Variants in SORCS1 observed in about 807,000 individuals in gnomAD.
SORCS1 encodes VPS10 domain-containing receptor SorCS1.
In SORCS1, 60 loss-of-function variants were observed where a neutral mutation model predicts 146.1. That is an observed-to-expected ratio of 0.41 (90% CI 0.33 to 0.51). SORCS1 has a LOEUF of 0.51. SORCS1 is among the 20% of genes least tolerant of loss of function. The pLI is 0.21. For missense variants in SORCS1, 1,352 were observed against 1,487.6 expected (o/e 0.91, Z 1.50); for synonymous variants, 637 against 584.0 (o/e 1.09, Z -1.31).
intron 2 of SORCS1, among the ~76,000 whole-genome samples, chr10:106,928,436 C>A (rs1003458120): frequency 6.6e-6 from 1 of 152,242 alleles, no homozygotes; most frequent in Admixed American, 6.5e-5. Context: ...AGCTGGCCCG[C>A]AAGCGCCGAG....
At chr10:106,974,186 G>T (rs994557302) in intron 1 of SORCS1, among the ~76,000 whole-genome samples, 1 of 152,190 alleles carries the variant, frequency 6.6e-6, no homozygotes, top group African/African-American at 2.4e-5. Context: ...AAGTGATGGG[G>T]ATATTCCATT....
At chr10:106,920,264 A>C (rs1952649058) in intron 2 of SORCS1, among the ~76,000 whole-genome samples, 1 of 152,216 alleles carries the variant, frequency 6.6e-6, no homozygotes, top group Non-Finnish European at 1.5e-5. Context: ...AGTGGTAAGC[A>C]AACATGACTA....
chr10:106,603,205 C>T (rs962774685), intron 23 of SORCS1, among the ~76,000 whole-genome samples: 11 of 152,094 alleles, frequency 7.2e-5, no homozygotes, highest in African/African-American at 4.8e-5. Flanking sequence ...CTGAGGACTC[C>T]GAGGGGAGCA....
At chr10:106,967,363 C>T in intron 1 of SORCS1, among the ~76,000 whole-genome samples, 1 of 151,434 alleles carries the variant, frequency 6.6e-6, no homozygotes, top group East Asian at 1.9e-4. Context: ...TACATTAAAC[C>T]AGGAAAATAA....
At chr10:106,822,715 T>C (rs1046929767) in intron 3 of SORCS1, among the ~76,000 whole-genome samples, 3 of 151,730 alleles carry the variant, frequency 2.0e-5, no homozygotes, top group African/African-American at 7.3e-5. Flanking sequence ...AGGATTTACT[T>C]ACTACACGTC....
intron 5 of SORCS1, among the ~76,000 whole-genome samples, chr10:106,760,698 CACACACACACTA>C (rs1030217128): frequency 1.5e-5 from 2 of 129,464 alleles, no homozygotes; most frequent in African/African-American, 6.4e-5. Context: ...CACACAAACA[CACACACACACTA>C]ACACACACAC....
intron 9 of SORCS1, among the ~76,000 whole-genome samples, chr10:106,695,372 C>T (rs1490074442): frequency 6.6e-6 from 1 of 152,146 alleles, no homozygotes; most frequent in East Asian, 1.9e-4. Context: ...ACCCTATTTA[C>T]CCTGCCCTTC....
chr10:107,034,680 CAAAAAAAAAAAAA>C (rs553032484), intron 1 of SORCS1, among the ~76,000 whole-genome samples: 2 of 13,800 alleles, frequency 1.4e-4, no homozygotes, highest in African/African-American at 5.4e-4. Context: ...AACTCCATCT[CAAAAAAAAAAAAA>C]AAAAAAAAAA....
chr10:107,153,994 A>ATTTCT (rs1361573440), intron 1 of SORCS1, among the ~76,000 whole-genome samples: 11 of 129,560 alleles, frequency 8.5e-5, no homozygotes, highest in Admixed American at 2.3e-4. Flanking sequence ...TTTCCAGTAT[A>ATTTCT]TTTCTTTTCT....
At chr10:106,921,799 G>A (rs572224780) in intron 2 of SORCS1, among the ~76,000 whole-genome samples, 25 of 152,236 alleles carry the variant, frequency 1.6e-4, no homozygotes, top group South Asian at 1.5e-3. Context: ...TAAGCAAGCT[G>A]ACACCTATCC....
At chr10:106,847,954 T>A (rs1425674586) in intron 2 of SORCS1, among the ~76,000 whole-genome samples, 5 of 150,592 alleles carry the variant, frequency 3.3e-5, no homozygotes, top group Non-Finnish European at 5.9e-5. Context: ...GAGAGATAGT[T>A]TATTATAATT....
chr10:106,734,836 G>A (rs1242038580), intron 5 of SORCS1, among the ~76,000 whole-genome samples: 1 of 151,956 alleles, frequency 6.6e-6, no homozygotes, highest in Admixed American at 6.6e-5. Context: ...AATGGGTGGG[G>A]GAATATTAAT....
chr10:106,894,272 T>TGTGTGC (rs1554876804), intron 2 of SORCS1, among the ~76,000 whole-genome samples: 10 of 32,956 alleles, frequency 3.0e-4, no homozygotes, highest in African/African-American at 1.5e-3. Flanking sequence ...CACGTGTGCG[T>TGTGTGC]GTGTGTGTGT....
chr10:106,588,060 A>G (rs1326189500), intron 24 of SORCS1, among the ~76,000 whole-genome samples: 2 of 152,250 alleles, frequency 1.3e-5, no homozygotes, highest in African/African-American at 4.8e-5. Flanking sequence ...ACACTGGCAC[A>G]TGAACAGCAT....
At chr10:106,660,729 A>G (rs1027786487) in intron 17 of SORCS1, among the ~76,000 whole-genome samples, 7 of 151,794 alleles carry the variant, frequency 4.6e-5, no homozygotes, top group Admixed American at 1.3e-4. Context: ...CATCTTGGGC[A>G]ATAGAGTGAG....
chr10:106,844,058 T>C (rs1949191724), intron 2 of SORCS1, among the ~76,000 whole-genome samples: 1 of 152,212 alleles, frequency 6.6e-6, no homozygotes, highest in Non-Finnish European at 1.5e-5. Context: ...TGTTATCTTT[T>C]GATATTTTGA....
chr10:106,830,231 G>C (rs1948481300), intron 2 of SORCS1, among the ~76,000 whole-genome samples: 1 of 152,162 alleles, frequency 6.6e-6, no homozygotes. Context: ...AAGCAATCCT[G>C]AGTCAGGAGG....
chr10:107,137,661 G>C (rs1170241844), intron 1 of SORCS1, among the ~76,000 whole-genome samples: 2 of 152,050 alleles, frequency 1.3e-5, no homozygotes, highest in Admixed American at 1.3e-4. Flanking sequence ...TCGAGAGTTC[G>C]AGACCAGTCT....
intron 1 of SORCS1, among the ~76,000 whole-genome samples, chr10:107,135,350 G>T (rs1338721326): frequency 6.6e-6 from 1 of 152,204 alleles, no homozygotes; most frequent in Non-Finnish European, 1.5e-5. Context: ...AAAATTAAAT[G>T]CACTGAAGTA....
Sources: allele counts gnomAD v4.1 joint callset (sites outside exome capture counted in the v4.1 genomes callset), GRCh38; gene constraint gnomAD v4.1.1; transcripts MANE v1.5; gene names NCBI Gene and HGNC (gene_info 2026-07-23, HGNC 2026-07-21).